KIAA2012: variants seen among roughly 807,000 people sequenced by gnomAD.
KIAA2012 encodes uncharacterized protein KIAA2012.
KIAA2012 carries 125 observed loss-of-function variants against 150.6 expected under a neutral mutation model. That is an observed-to-expected ratio of 0.83 (90% confidence interval 0.72 to 0.96). The LOEUF (loss-of-function observed/expected upper bound fraction) is 0.96, where lower values mean the gene tolerates loss of function less well. KIAA2012 is among the 40% of genes least tolerant of loss of function. KIAA2012 has a pLI of 0.00. For synonymous variants in KIAA2012, 462 were observed against 504.7 expected, an observed-to-expected ratio of 0.92 and a Z score of 1.13; for missense variants, 1,219 against 1,354.9, an observed-to-expected ratio of 0.90 and a Z score of 1.57.
At position 202,188,244 on chromosome 2, in the gene KIAA2012, C is replaced by T. The variant is rs956444379; in HGVS notation, c.2469C>T (p.Tyr823=). The T allele has an allele frequency of 1.9e-5, 29 of 1,549,986 alleles. 1 individual carries two copies. The highest frequency in any genetic ancestry group is 7.9e-5 in the Admixed American group (4 of 50,858). The stretch of plus-strand genomic sequence containing the variant: ...AAAGCGAGAGAGAAGGAAAGGTCTA[C>T]GGGCAAGCAGAGGCTGCCATTGGTA... ...GPKSEREGKV[Y]GQAEAAIGKS... Residue 823 remains tyrosine, a synonymous_variant, in exon 18 of 24, where the codon TAC becomes TAT. Coordinates refer to ENST00000498697, the MANE Select transcript of KIAA2012 (RefSeq NM_001277372.4).
At chr2:202,111,945 C>A (rs1690370768) in intron 10 of KIAA2012, among the ~76,000 whole-genome samples, 1 of 152,146 alleles carries the variant, frequency 6.6e-6, no homozygotes, top group Non-Finnish European at 1.5e-5. Flanking sequence ...GGTAGCTGGA[C>A]TCCTGGACTC....
At chr2:202,165,192 C>T in intron 14 of KIAA2012, 92 bp from the exon 15 acceptor site, 1 of 1,232,248 alleles carries the variant, frequency 8.1e-7, no homozygotes, top group Non-Finnish European at 1.1e-6. Flanking sequence ...AACTGGCTTC[C>T]CTCTTACCAA....
intron 22 of KIAA2012, 81 bp from the exon 23 acceptor site, chr2:202,202,348 A>G (rs759568525): frequency 2.3e-4 from 91 of 400,916 alleles, no homozygotes; most frequent in Admixed American, 3.5e-4. Context: ...ATTCAAATCT[A>G]AAGTTATCTT....
At chr2:202,179,511 G>A (rs569430346) in intron 15 of KIAA2012, 16 of 702,410 alleles carry the variant, frequency 2.3e-5, no homozygotes, top group Non-Finnish European at 4.1e-5. Flanking sequence ...AAGCACATAG[G>A]TTTGGTGTAC....
chr2:202,151,458 G>A (rs1042390350), intron 13 of KIAA2012, among the ~76,000 whole-genome samples: 8 of 151,740 alleles, frequency 5.3e-5, no homozygotes, highest in African/African-American at 1.9e-4. Flanking sequence ...AGAGATACCA[G>A]CTACCCTGAT....
Position 202,093,112 on chromosome 2 carries a change from T to C in KIAA2012, c.612T>C (p.Gly204=). 6.4e-7 allele frequency: 1 copy of C among 1,551,058 alleles called. No homozygotes were observed. Among genetic ancestry groups the C allele is most frequent in the Non-Finnish European group, 8.7e-7 (1 of 1,147,064 alleles). ...KKLRPQQDLS[G]VPPKYHLLPV... ...TCAGGCCACAACAAGATCTTTCAGGTGTACCCCCAAAATACCATCTCCTGC... is the reference window on the plus strand; with the variant it reads ...TCAGGCCACAACAAGATCTTTCAGGCGTACCCCCAAAATACCATCTCCTGC... The change falls in exon 4 of 24, where the codon GGT becomes GGC. Residue 204 remains glycine, a synonymous_variant. Coordinates refer to ENST00000498697, the MANE Select transcript of KIAA2012 (RefSeq NM_001277372.4).
At chr2:202,168,669 C>G (rs1249565997) in intron 15 of KIAA2012, among the ~76,000 whole-genome samples, 1 of 151,908 alleles carries the variant, frequency 6.6e-6, no homozygotes, top group Non-Finnish European at 1.5e-5. Flanking sequence ...GGCAGCAGAC[C>G]CAAAATGAAT....
rs201747950 is a variant in KIAA2012 at position 202,129,221 on chromosome 2, A to ATT, written c.1831+3954_1831+3955dup. On this transcript the variant is annotated intron_variant, in intron 12 of 23. Transcript: ENST00000498697. ...TTGGAACACCTATAGAAGTTTCACA[A>ATT]TTTTTTTTTTTTTTTTGAGACAGAG... Among the ~76,000 whole-genome samples the ATT allele has an allele frequency of 3.8e-3, 555 of 144,568 alleles. 2 individuals carry two copies. Among genetic ancestry groups the ATT allele is most frequent in the South Asian group, 0.011 (49 of 4,506 alleles). 94.8% of individuals were successfully genotyped at this position (144,568 alleles called of 152,430 possible).
chr2:202,090,737 A>G, intron 2 of KIAA2012, 33 bp from the exon 3 acceptor site: 1 of 1,529,252 alleles, frequency 6.5e-7, no homozygotes, highest in Non-Finnish European at 8.8e-7. Flanking sequence ...AGGGGTCAGC[A>G]GCTGTGCTGT....
chr2:202,112,130 T>C (rs1334157420), intron 10 of KIAA2012, among the ~76,000 whole-genome samples: 2 of 152,136 alleles, frequency 1.3e-5, no homozygotes, highest in Non-Finnish European at 2.9e-5. Context: ...TGAGGTGATG[T>C]AGGGTAAGGC....
intron 15 of KIAA2012, among the ~76,000 whole-genome samples, chr2:202,166,339 A>C (rs1169314156): frequency 6.6e-6 from 1 of 152,196 alleles, no homozygotes; most frequent in Admixed American, 6.6e-5. Flanking sequence ...AGTGCCAAGG[A>C]ATTTTTTTTA....
At chr2:202,172,215 G>T (rs1691907930) in intron 15 of KIAA2012, among the ~76,000 whole-genome samples, 1 of 152,244 alleles carries the variant, frequency 6.6e-6, no homozygotes, top group African/African-American at 2.4e-5. Context: ...ATGAGGCAAA[G>T]TGCATTGTTT....
chr2:202,073,374 T>C lies in KIAA2012; in HGVS notation c.-254T>C, dbSNP rs1248900857. 4.9e-6 allele frequency: 2 copies of C among 408,150 alleles called. No individual in the cohort carries two copies. Among genetic ancestry groups the C allele is most frequent in the East Asian group, 3.9e-5 (1 of 25,596 alleles). 25.3% of individuals were successfully genotyped at this position (408,150 alleles called of 1,614,324 possible). On this transcript the variant is annotated 5_prime_UTR_variant, in exon 1 of 24. Coordinates refer to ENST00000498697, the MANE Select transcript of KIAA2012 (RefSeq NM_001277372.4). The stretch of plus-strand genomic sequence containing the variant: ...GGGGAGAGACAGGTCGCCCAGAGAG[T>C]AGACAATCCAGGGCTTGAGGAGGCT...
intron 9 of KIAA2012, among the ~76,000 whole-genome samples, chr2:202,106,404 G>A (rs147203881): frequency 2.0e-5 from 3 of 152,154 alleles, no homozygotes; most frequent in African/African-American, 7.2e-5. Flanking sequence ...CCATAATATC[G>A]GCGGGGTGCG....
At chr2:202,149,702 G>C (rs1232248428) in intron 13 of KIAA2012, among the ~76,000 whole-genome samples, 1 of 152,228 alleles carries the variant, frequency 6.6e-6, no homozygotes, top group East Asian at 1.9e-4. Flanking sequence ...ACACCTACAG[G>C]ACAGATCCTT....
At position 202,093,053 on chromosome 2, in the gene KIAA2012, C is replaced by G. The variant is rs1319145940; in HGVS notation, c.553C>G (p.Leu185Val). 1.3e-6 allele frequency: 2 copies of G among 1,550,608 alleles called. No homozygotes were observed. The highest frequency in any genetic ancestry group is 1.7e-6 in the Non-Finnish European group (2 of 1,146,970). Reference sequence around the variant, plus strand: ...AGGATACATCAAGGATTCTGTGCTACTCCAGGACAGTCAACTTAATGTACC... The same window carrying G: ...AGGATACATCAAGGATTCTGTGCTAGTCCAGGACAGTCAACTTAATGTACC... ...CAGYIKDSVLLQDSQLNVPKK... is the reference protein window; with the variant it reads ...CAGYIKDSVLVQDSQLNVPKK... Residue 185 changes from leucine (L) to valine (V), a missense_variant, in exon 4 of 24, where the codon CTC (leucine) becomes GTC (valine). Coordinates refer to ENST00000498697, the MANE Select transcript of KIAA2012 (RefSeq NM_001277372.4).
At position 202,186,988 on chromosome 2, in the gene KIAA2012, G is replaced by C. The variant is rs957923470; in HGVS notation, c.2266G>C (p.Glu756Gln). 9 of 1,550,510 alleles carry C rather than the reference G, an allele frequency of 5.8e-6. No homozygotes were observed. In the African/African-American group the frequency reaches 1.1e-4, roughly 19 times the overall value. The change falls in exon 17 of 24, where the codon GAG (glutamate) becomes CAG (glutamine). Residue 756 changes from glutamate to glutamine, a missense_variant. Glu to Gln is a conservative substitution (Grantham distance 29, BLOSUM62 2). Coordinates refer to ENST00000498697, the MANE Select transcript of KIAA2012 (RefSeq NM_001277372.4). Reference sequence around the variant, plus strand: ...CAGAGGACTTCTGGGATACGGGCCTGAGTCACCCGAGAGGTTGAGTGCTGT... The same window carrying C: ...CAGAGGACTTCTGGGATACGGGCCTCAGTCACCCGAGAGGTTGAGTGCTGT... ...LHRGLLGYGP[E>Q]SPERLSAVYT...
chr2:202,101,781 C>T lies in KIAA2012; in HGVS notation c.1156-1165C>T, dbSNP rs1205128456. On this transcript the variant is annotated intron_variant, in intron 7 of 23. Coordinates refer to ENST00000498697, the MANE Select transcript of KIAA2012 (RefSeq NM_001277372.4). ...TCCAGGATCATAAAGATCCTATGTG[C>T]GTGTGTTTGGTTTATCATTTTCTTA... Among the ~76,000 whole-genome samples, 6 of 152,212 alleles carry T rather than the reference C, an allele frequency of 3.9e-5. No individual in the cohort carries two copies. The South Asian group carries it at 8.3e-4, about 21-fold the overall frequency.
intron 4 of KIAA2012, 80 bp downstream of exon 4, chr2:202,093,265 A>G (rs1181099766): frequency 2.8e-6 from 4 of 1,423,350 alleles, no homozygotes; most frequent in African/African-American, 1.4e-5. Flanking sequence ...GGCATTTCCC[A>G]AAACAAGGTC....
Sources: gnomAD v4.1 joint callset for allele counts (sites outside exome capture counted in the v4.1 genomes callset) on GRCh38, gnomAD v4.1.1 for gene constraint, MANE v1.5 for transcripts, NCBI Gene and HGNC (gene_info 2026-07-23, HGNC 2026-07-21) for gene names.